DNMT3B: variants seen among roughly 807,000 people sequenced by gnomAD.
DNMT3B encodes the protein DNA methyltransferase 3 beta, also known as DNA (cytosine-5)-methyltransferase 3B.
A neutral mutation model predicts 120.2 loss-of-function variants in DNMT3B; 37 were observed. The observed-to-expected ratio is 0.31, with a 90% confidence interval of 0.24 to 0.40. The LOEUF (loss-of-function observed/expected upper bound fraction) is 0.40, where lower values mean the gene tolerates loss of function less well. Among genes scored for constraint, DNMT3B ranks in the 10% least tolerant of loss-of-function variants. The pLI is 1.00. For synonymous variants in DNMT3B, 412 were observed against 442.8 expected (o/e 0.93, Z 0.87); for missense variants, 878 against 1,137.3 (o/e 0.77, Z 3.28).
intron 1 of DNMT3B, among the ~76,000 whole-genome samples, chr20:32,779,043 G>C (rs949301658): frequency 2.6e-5 from 4 of 152,170 alleles, no homozygotes; most frequent in East Asian, 1.9e-4. Context: ...ATGTCTCCAC[G>C]ATGGAGCCCG....
chr20:32,797,363 C>T, intron 14 of DNMT3B, 64 bp downstream of exon 14: 1 of 1,471,582 alleles, frequency 6.8e-7, no homozygotes, highest in East Asian at 2.3e-5. Flanking sequence ...TTCCTGCAGT[C>T]TGCAGACAGC....
intron 1 of DNMT3B, chr20:32,780,043 C>A: frequency 6.3e-7 from 1 of 1,582,974 alleles, no homozygotes; most frequent in East Asian, 2.3e-5. Context: ...CAGTCTGAGC[C>A]TGAGACCCCA....
chr20:32,795,614 C>A, intron 11 of DNMT3B, 36 bp from the exon 12 acceptor site: 2 of 1,614,214 alleles, frequency 1.2e-6, no homozygotes, highest in Non-Finnish European at 1.7e-6. Context: ...ACCCGGCTCC[C>A]TGACCTCATC....
chr20:32,804,479 G>T (rs74974219), intron 20 of DNMT3B, among the ~76,000 whole-genome samples: 1 of 152,068 alleles, frequency 6.6e-6, no homozygotes, highest in Non-Finnish European at 1.5e-5. Context: ...CACGGTTCCC[G>T]TTCTCATGTC....
At position 32,798,559 on chromosome 20, in the gene DNMT3B, G is replaced by A; in HGVS notation, c.1590G>A (p.Gln530=). 1 of 1,614,228 alleles carries A rather than the reference G, an allele frequency of 6.2e-7. No individual in the cohort carries two copies. Among genetic ancestry groups the A allele is most frequent in the Non-Finnish European group, 8.5e-7 (1 of 1,180,042 alleles). ...GGAGCTGTTACATGTGTCTCCCGCAGCGCTGTCATGGCGTCCTGCGGCGCC... is the reference window on the plus strand; with the variant it reads ...GGAGCTGTTACATGTGTCTCCCGCAACGCTGTCATGGCGTCCTGCGGCGCC... ...EPWSCYMCLP[Q]RCHGVLRRRK... Residue 530 remains glutamine, a synonymous_variant, in exon 15 of 23, where the codon CAG becomes CAA. Coordinates refer to ENST00000328111, the MANE Select transcript of DNMT3B (RefSeq NM_006892.4).
rs1978448730 is a variant in DNMT3B, at chr20:32,780,353, AGAG to A, written c.36_38del (p.Glu12del). The A allele has an allele frequency of 1.2e-6, 2 of 1,613,916 alleles. No individual in the cohort carries two copies. Among genetic ancestry groups the A allele is most frequent in the Non-Finnish European group, 8.5e-7 (1 of 1,179,998 alleles). On this transcript the variant is annotated inframe_deletion, in exon 2 of 23. Transcript: ENST00000328111. ...AGGGAGACACCAGGCATCTCAATGGAGAGGAGGACGCCGGCGGGAGGGAAGACT... is the reference window on the plus strand; with the variant it reads ...AGGGAGACACCAGGCATCTCAATGGAGAGGACGCCGGCGGGAGGGAAGACT...
At chr20:32,782,343 T>G (rs555532491) in intron 3 of DNMT3B, among the ~76,000 whole-genome samples, 22 of 152,318 alleles carry the variant, frequency 1.4e-4, no homozygotes, top group African/African-American at 5.3e-4. Flanking sequence ...GTTACATAGA[T>G]TCAAGAATAG....
At chr20:32,782,823 A>G (rs565137097) in intron 3 of DNMT3B, among the ~76,000 whole-genome samples, 1 of 152,166 alleles carries the variant, frequency 6.6e-6, no homozygotes, top group Non-Finnish European at 1.5e-5. Context: ...AGGGGAGACT[A>G]CTGTATAGCA....
chr20:32,771,782 A>G (rs1001086734), intron 1 of DNMT3B, among the ~76,000 whole-genome samples: 2 of 152,158 alleles, frequency 1.3e-5, no homozygotes. Context: ...GGGGAAAAAT[A>G]TTAGGTCCCT....
chr20:32,792,492 C>T lies in DNMT3B; in HGVS notation c.922-134C>T. 2.0e-6 allele frequency: 3 copies of T among 1,474,280 alleles called. 1 individual carries two copies. In the South Asian group the frequency reaches 3.6e-5, roughly 18 times the overall value. 91.3% of individuals were successfully genotyped at this position (1,474,280 alleles called of 1,614,324 possible). A position where few individuals can be genotyped will look rare whatever the true frequency, so the allele number is the denominator to read the frequency against. ...TCCTTCCTCTGTCACATACCACAGC[C>T]CAGGACAGCTGTCTGGCTATGAAAG... On this transcript the variant is annotated intron_variant, in intron 8 of 22. Coordinates refer to ENST00000328111, the MANE Select transcript of DNMT3B (RefSeq NM_006892.4).
At chr20:32,799,203 C>T (rs531904910) in intron 15 of DNMT3B, 41 bp from the exon 16 acceptor site, 1 of 1,588,970 alleles carries the variant, frequency 6.3e-7, no homozygotes, top group East Asian at 2.3e-5. Context: ...GAGTCTTTGC[C>T]CTGTGCCTTC....
At chr20:32,787,933 G>A (rs1979520383) in intron 6 of DNMT3B, among the ~76,000 whole-genome samples, 1 of 152,072 alleles carries the variant, frequency 6.6e-6, no homozygotes. Flanking sequence ...GCGGGCAGGA[G>A]TGGGGGTCTC....
chr20:32,769,496 G>A (rs542875832), intron 1 of DNMT3B, among the ~76,000 whole-genome samples: 1 of 152,168 alleles, frequency 6.6e-6, no homozygotes, highest in African/African-American at 2.4e-5. Context: ...CTCTCTGTGG[G>A]TTCAGCTGAC....
At chr20:32,801,199 C>A in intron 18 of DNMT3B, 79 bp from the exon 19 acceptor site, 4 of 1,605,822 alleles carry the variant, frequency 2.5e-6, no homozygotes, top group Non-Finnish European at 3.4e-6. Context: ...CCATTGGGAA[C>A]CTGCTGGTCT....
chr20:32,788,304 A>G (rs1308514658), intron 6 of DNMT3B, among the ~76,000 whole-genome samples: 1 of 152,202 alleles, frequency 6.6e-6, no homozygotes, highest in East Asian at 1.9e-4. Flanking sequence ...ATTAAGAACT[A>G]GAGTTGCCTG....
chr20:32,801,317 T>C lies in DNMT3B; in HGVS notation c.2036T>C (p.Leu679Pro). The C allele has an allele frequency of 6.2e-7, 1 of 1,614,216 alleles. No individual in the cohort carries two copies. ...GRLFFEFYHL[L>P]NYSRPKEGDD... is the part of the protein sequence containing the mutation. The stretch of plus-strand genomic sequence containing the variant: ...CTCTTCTTCGAATTTTACCACCTGC[T>C]GAATTACTCACGCCCCAAGGAGGGT... Residue 679 changes from leucine to proline, a missense_variant, in exon 19 of 23, where the codon CTG becomes CCG. Transcript: ENST00000328111.
Position 32,785,993 on chromosome 20 carries a change from C to T in DNMT3B, c.307-509C>T, listed in dbSNP as rs142585237. On this transcript the variant is annotated intron_variant, in intron 4 of 22. Transcript: ENST00000328111. Reference sequence around the variant, plus strand: ...CTGCCTCCCTGGTCCAAGTGATTCTCCTGCCTCAGCCTCCTGAGTAGCTGT... The same window carrying T: ...CTGCCTCCCTGGTCCAAGTGATTCTTCTGCCTCAGCCTCCTGAGTAGCTGT... 6.4e-4 allele frequency among the ~76,000 whole-genome samples: 97 copies of T among 152,144 alleles called. 1 individual carries two copies. The highest frequency in any genetic ancestry group is 2.1e-3 in the African/African-American group (86 of 41,518).
At position 32,796,808 on chromosome 20, in the gene DNMT3B, G is replaced by A; in HGVS notation, c.1316G>A (p.Gly439Asp). 1 of 1,614,220 alleles carries A rather than the reference G, an allele frequency of 6.2e-7. No individual in the cohort carries two copies. The highest frequency in any genetic ancestry group is 8.5e-7 in the Non-Finnish European group (1 of 1,180,036). Reference sequence around the variant, plus strand: ...CTTACAGATGGCTGTTTGTCTTGTGGCAGGAAAAACCCCGTGTCCTTCCAC... The same window carrying A: ...CTTACAGATGGCTGTTTGTCTTGTGACAGGAAAAACCCCGTGTCCTTCCAC... ...SSLEDGCLSC[G>D]RKNPVSFHPL... The change falls in exon 13 of 23, where the codon GGC becomes GAC. Residue 439 changes from glycine to aspartate, a missense_variant. Gly to Asp is a moderately conservative substitution (Grantham distance 94). This residue lies in a region of DNMT3B where 207 missense variants were observed against 222.6 expected (regional missense o/e 0.93). Coordinates refer to ENST00000328111, the MANE Select transcript of DNMT3B (RefSeq NM_006892.4).
intron 14 of DNMT3B, among the ~76,000 whole-genome samples, chr20:32,797,979 T>A (rs1457714600): frequency 2.0e-5 from 3 of 152,064 alleles, no homozygotes; most frequent in Non-Finnish European, 2.9e-5. Flanking sequence ...CCTGGCCTAT[T>A]TTTTGTAATA....
Sources: allele counts gnomAD v4.1 joint callset (sites outside exome capture counted in the v4.1 genomes callset), GRCh38; gene constraint gnomAD v4.1.1; regional missense constraint gnomAD v4.1.1; transcripts MANE v1.5; gene names NCBI Gene and HGNC (gene_info 2026-07-23, HGNC 2026-07-21).